NMT2: variants seen among roughly 807,000 people sequenced by gnomAD.
The protein encoded by NMT2 is N-myristoyltransferase 2, also known as glycylpeptide N-tetradecanoyltransferase 2.
A neutral mutation model predicts 65.4 loss-of-function variants in NMT2; 35 were observed. The ratio of observed to expected loss-of-function variants is 0.54; its 90% CI spans 0.41 to 0.71. The LOEUF (loss-of-function observed/expected upper bound fraction) is 0.71, where lower values mean the gene tolerates loss of function less well. NMT2 is among the 30% of genes least tolerant of loss of function. The pLI is 0.00. For synonymous variants in NMT2, 226 were observed against 231.8 expected, an observed-to-expected ratio of 0.98 and a Z score of 0.23; for missense variants, 489 against 611.3, an observed-to-expected ratio of 0.80 and a Z score of 2.11.
chr10:15,109,930 G>A (rs1407219030), intron 10 of NMT2, 91 bp from the exon 11 acceptor site: 35 of 1,021,784 alleles, frequency 3.4e-5, no homozygotes, highest in Non-Finnish European at 4.4e-5. Flanking sequence ...CTAATAGCTC[G>A]AATATGCATT....
chr10:15,168,548 C>T lies in NMT2; in HGVS notation c.65G>A (p.Cys22Tyr), dbSNP rs376633432. 26 of 1,595,124 alleles carry T rather than the reference C, an allele frequency of 1.6e-5. No individual in the cohort carries two copies. In the African/African-American group the frequency reaches 3.3e-4, roughly 20 times the overall value. The change falls in exon 1 of 12, where the codon TGC becomes TAC. Residue 22 changes from cysteine to tyrosine, a missense_variant. Cys to Tyr is a radical substitution (Grantham distance 194). Transcript: ENST00000378165. ...CTCCTCATTGTCCCCGTCTATCCCG[C>T]ACGTGTCCTGGTCGTCCAGTTCCAG... ...QSLELDDQDT[C>Y]GIDGDNEEET...
intron 11 of NMT2, 62 bp from the exon 12 acceptor site, chr10:15,109,277 CTG>C: frequency 6.3e-7 from 1 of 1,576,908 alleles, no homozygotes; most frequent in Non-Finnish European, 8.6e-7. Flanking sequence ...TACAATAGAT[CTG>C]TCTTTCTAAA....
At chr10:15,145,412 CT>C (rs1380570748) in intron 1 of NMT2, among the ~76,000 whole-genome samples, 1 of 152,200 alleles carries the variant, frequency 6.6e-6, no homozygotes, top group African/African-American at 2.4e-5. Context: ...CAGAGTCTCA[CT>C]TTGTCGCCCA....
chr10:15,158,633 A>G (rs1452331883), intron 1 of NMT2, among the ~76,000 whole-genome samples: 1 of 152,216 alleles, frequency 6.6e-6, no homozygotes, highest in Non-Finnish European at 1.5e-5. Flanking sequence ...CATGCACACA[A>G]TCTACCTGTG....
chr10:15,112,216 ATTTTTTTTTTTTTTTTTTTT>A (rs869310724), intron 10 of NMT2, among the ~76,000 whole-genome samples: 17 of 12,254 alleles, frequency 1.4e-3, no homozygotes, highest in Admixed American at 4.2e-3. Context: ...ATATATATAT[ATTTTTTTTTTTTTTTTTTTT>A]TTTTTTTTTT....
chr10:15,115,804 A>G (rs1380420916), intron 9 of NMT2, among the ~76,000 whole-genome samples: 1 of 152,242 alleles, frequency 6.6e-6, no homozygotes, highest in East Asian at 1.9e-4. Flanking sequence ...TATACAATAA[A>G]GTATACTCCA....
At chr10:15,146,881 C>G (rs1456885532) in intron 1 of NMT2, among the ~76,000 whole-genome samples, 1 of 151,706 alleles carries the variant, frequency 6.6e-6, no homozygotes, top group Admixed American at 6.6e-5. Context: ...TTGCTTGATC[C>G]CAGGAGTTCA....
chr10:15,157,102 T>A (rs936288150), intron 1 of NMT2, among the ~76,000 whole-genome samples: 3 of 152,140 alleles, frequency 2.0e-5, no homozygotes, highest in African/African-American at 7.2e-5. Flanking sequence ...TTATGTTAAC[T>A]GAATCCCCAA....
In NMT2 at chr10:15,113,000, G is replaced by T. The variant is rs1405909501; in HGVS notation, c.1171-37C>A. The T allele has an allele frequency of 3.1e-6, 5 of 1,587,538 alleles. No individual in the cohort carries two copies. The African/African-American group carries it at 5.4e-5, about 17-fold the overall frequency. Reference sequence around the variant, plus strand: ...AGTGCTGTCAGACAGAGATCTCCTTGAACCAACTGCATACGTGCATTTCCA... The same window carrying T: ...AGTGCTGTCAGACAGAGATCTCCTTTAACCAACTGCATACGTGCATTTCCA... On this transcript the variant is annotated intron_variant, in intron 9 of 11. Coordinates refer to ENST00000378165, the MANE Select transcript of NMT2 (RefSeq NM_004808.3).
Position 15,108,413 on chromosome 10 carries a change from C to T in NMT2, c.*782G>A, listed in dbSNP as rs1845388248. The T allele has an allele frequency of 1.5e-6, 1 of 675,150 alleles. No individual in the cohort carries two copies. The highest frequency in any genetic ancestry group is 6.3e-5 in the Admixed American group (1 of 15,848). 41.8% of individuals were successfully genotyped at this position (675,150 alleles called of 1,614,324 possible). A position where few individuals can be genotyped will look rare whatever the true frequency, so the allele number is the denominator to read the frequency against. On this transcript the variant is annotated 3_prime_UTR_variant, in exon 12 of 12. Coordinates refer to ENST00000378165, the MANE Select transcript of NMT2 (RefSeq NM_004808.3). Reference sequence around the variant, plus strand: ...TGTTGGCCAGAATGGTCTCGATCTCCTGACCTCATGATCTGCCCACCTTGG... The same window carrying T: ...TGTTGGCCAGAATGGTCTCGATCTCTTGACCTCATGATCTGCCCACCTTGG...
At chr10:15,167,369 T>C (rs1034230168) in intron 1 of NMT2, among the ~76,000 whole-genome samples, 2 of 152,210 alleles carry the variant, frequency 1.3e-5, no homozygotes, top group Non-Finnish European at 2.9e-5. Context: ...AATCTTAAAG[T>C]AGACAAGTAG....
chr10:15,155,468 A>G, intron 1 of NMT2: 1 of 471,464 alleles, frequency 2.1e-6, no homozygotes, highest in Non-Finnish European at 3.9e-6. Flanking sequence ...TTCCGGGCTC[A>G]AGTGATCCTC....
At position 15,108,889 on chromosome 10, in the gene NMT2, T is replaced by G; in HGVS notation, c.*306A>C. 2.6e-6 allele frequency: 3 copies of G among 1,138,954 alleles called. No homozygotes were observed. The highest frequency in any genetic ancestry group is 3.2e-6 in the Non-Finnish European group (3 of 928,684). The allele number at this position is 1,138,954 out of a possible 1,614,324, so 70.6% of individuals were successfully genotyped here. On this transcript the variant is annotated 3_prime_UTR_variant, in exon 12 of 12. Coordinates refer to ENST00000378165, the MANE Select transcript of NMT2 (RefSeq NM_004808.3). ...TTCTACTTAGTCCATAGAAAAACAG[T>G]CCCTTTTCTAAGGGTGAAAAAATAC...
chr10:15,110,428 A>G (rs936182726), intron 10 of NMT2, among the ~76,000 whole-genome samples: 2 of 152,136 alleles, frequency 1.3e-5, no homozygotes, highest in African/African-American at 2.4e-5. Flanking sequence ...CAGCCTGGGC[A>G]TAGGCTGTAG....
At chr10:15,119,565 G>C in intron 8 of NMT2, 52 bp from the exon 9 acceptor site, 1 of 1,538,044 alleles carries the variant, frequency 6.5e-7, no homozygotes, top group Non-Finnish European at 9.0e-7. Flanking sequence ...GAAGAGGAGT[G>C]AAACGACTTT....
At chr10:15,143,952 T>C (rs1262026269) in intron 1 of NMT2, among the ~76,000 whole-genome samples, 1 of 152,174 alleles carries the variant, frequency 6.6e-6, no homozygotes, top group African/African-American at 2.4e-5. Flanking sequence ...TTTTAAAAAA[T>C]TAAAATACCA....
At chr10:15,138,004 C>CTTTTTTTTTTT (rs374744946) in intron 2 of NMT2, among the ~76,000 whole-genome samples, 26 of 128,136 alleles carry the variant, frequency 2.0e-4, no homozygotes, top group African/African-American at 2.6e-4. Context: ...TCTTCTTCTT[C>CTTTTTTTTTTT]TTTTTTTTTT....
intron 3 of NMT2, among the ~76,000 whole-genome samples, chr10:15,134,284 C>T (rs1302905687): frequency 6.6e-6 from 1 of 152,168 alleles, no homozygotes; most frequent in African/African-American, 2.4e-5. Context: ...TTCCCCATGG[C>T]TGCTGCCTGC....
At chr10:15,136,647 C>T (rs12773404) in intron 2 of NMT2, among the ~76,000 whole-genome samples, 1 of 152,122 alleles carries the variant, frequency 6.6e-6, no homozygotes, top group African/African-American at 2.4e-5. Flanking sequence ...TAGAGACAAA[C>T]TCTCCCACCA....
Sources: allele counts gnomAD v4.1 joint callset (sites outside exome capture counted in the v4.1 genomes callset), GRCh38; gene constraint gnomAD v4.1.1; transcripts MANE v1.5; gene names NCBI Gene and HGNC (gene_info 2026-07-23, HGNC 2026-07-21).